Variants in ADAMTSL3 observed in about 807,000 individuals in gnomAD.
ADAMTSL3 encodes the protein ADAMTS like 3.
In ADAMTSL3, 128 loss-of-function variants were observed where a neutral mutation model predicts 201.7. The ratio of observed to expected loss-of-function variants is 0.63; its 90% CI spans 0.55 to 0.73. ADAMTSL3 has a LOEUF of 0.73. Among genes scored for constraint, ADAMTSL3 ranks in the 30% least tolerant of loss-of-function variants. ADAMTSL3 has a pLI of 0.00. For synonymous variants in ADAMTSL3, 738 were observed against 748.4 expected (o/e 0.99, Z 0.23); for missense variants, 1,990 against 2,119.6 (o/e 0.94, Z 1.20).
chr15:83,830,366 G>A (rs563386084), intron 6 of ADAMTSL3, among the ~76,000 whole-genome samples: 24 of 152,282 alleles, frequency 1.6e-4, no homozygotes, highest in African/African-American at 5.5e-4. Context: ...GAAGGAACTA[G>A]CACAGGGAGA....
intron 3 of ADAMTSL3, among the ~76,000 whole-genome samples, chr15:83,713,024 A>G (rs992027337): frequency 6.6e-6 from 1 of 152,128 alleles, no homozygotes; most frequent in Non-Finnish European, 1.5e-5. Flanking sequence ...TACTTCTCCC[A>G]GGTGATCAGC....
intron 3 of ADAMTSL3, among the ~76,000 whole-genome samples, chr15:83,713,317 A>T (rs2061957265): frequency 6.6e-6 from 1 of 152,146 alleles, no homozygotes; most frequent in Non-Finnish European, 1.5e-5. Context: ...CCTTCTACTA[A>T]ACATCTCTGC....
chr15:83,843,180 G>A (rs184516405), intron 7 of ADAMTSL3, among the ~76,000 whole-genome samples: 1 of 152,100 alleles, frequency 6.6e-6, no homozygotes, highest in Admixed American at 6.5e-5. Context: ...TGATTTTTTT[G>A]TGGGGTTCTC....
At chr15:84,031,262 A>G in intron 27 of ADAMTSL3, 73 bp from the exon 28 acceptor site, 1 of 1,430,382 alleles carries the variant, frequency 7.0e-7, no homozygotes, top group Non-Finnish European at 9.8e-7. Flanking sequence ...ATCCTGCCTC[A>G]GTACATGATC....
intron 3 of ADAMTSL3, among the ~76,000 whole-genome samples, chr15:83,769,720 A>T (rs961719320): frequency 1.3e-5 from 2 of 152,050 alleles, no homozygotes; most frequent in African/African-American, 4.8e-5. Flanking sequence ...CTTTGCTTCC[A>T]GTCATTATTT....
chr15:83,678,792 T>TGTATA (rs2061439661), intron 2 of ADAMTSL3, among the ~76,000 whole-genome samples: 1 of 46,180 alleles, frequency 2.2e-5, no homozygotes, highest in African/African-American at 9.9e-5. Context: ...TATATATGTA[T>TGTATA]ATATAATATA....
intron 4 of ADAMTSL3, among the ~76,000 whole-genome samples, chr15:83,790,061 C>T (rs1303541738): frequency 1.3e-5 from 2 of 151,650 alleles, no homozygotes; most frequent in Non-Finnish European, 1.5e-5. Flanking sequence ...TAAATAACAC[C>T]ATAATTATTA....
At position 84,016,399 on chromosome 15, in the gene ADAMTSL3, G is replaced by A. The variant is rs769455663; in HGVS notation, c.4173G>A (p.Glu1391=). ...TTTCCTCAGAACGAAGATGGCCAGAGAGTAGAATCGTATTTCTGCAAGGAC... is the reference window on the plus strand; with the variant it reads ...TTTCCTCAGAACGAAGATGGCCAGAAAGTAGAATCGTATTTCTGCAAGGAC... ...VLHLLERRWP[E]SRIVFLQGHK... is the part of the protein sequence containing the mutation. The change falls in exon 25 of 30, where the codon GAG becomes GAA. Residue 1391 remains glutamate, a synonymous_variant. Transcript: ENST00000286744. The A allele has an allele frequency of 2.5e-6, 4 of 1,613,634 alleles. No individual in the cohort carries two copies. The South Asian group carries it at 3.3e-5, about 13-fold the overall frequency.
intron 15 of ADAMTSL3, among the ~76,000 whole-genome samples, chr15:83,910,916 C>T (rs939882271): frequency 2.6e-5 from 4 of 151,808 alleles, no homozygotes; most frequent in African/African-American, 7.3e-5. Context: ...CTGGGATTAC[C>T]GGCGTGAGCC....
At chr15:84,037,051 T>C in intron 29 of ADAMTSL3, 64 bp downstream of exon 29, 2 of 1,492,818 alleles carry the variant, frequency 1.3e-6, no homozygotes, top group Non-Finnish European at 1.9e-6. Context: ...ATCCTGATGC[T>C]ACCATCACGG....
In ADAMTSL3 at chr15:84,025,335, G is replaced by C; in HGVS notation, c.4555G>C (p.Val1519Leu). Residue 1519 changes from valine to leucine, a missense_variant, in exon 27 of 30, where the codon GTG becomes CTG. Val to Leu is a conservative substitution (Grantham distance 32, BLOSUM62 1). Coordinates refer to ENST00000286744, the MANE Select transcript of ADAMTSL3 (RefSeq NM_207517.3). ...TCKRTKANGT[V>L]QVVSPRACAP... ...CAAGCGGACAAAAGCCAATGGAACT[G>C]TGCAGGTGGTGTCTCCAAGAGCATG... 1 of 1,614,204 alleles carries C rather than the reference G, an allele frequency of 6.2e-7. No homozygotes were observed. The highest frequency in any genetic ancestry group is 8.5e-7 in the Non-Finnish European group (1 of 1,180,042).
intron 2 of ADAMTSL3, among the ~76,000 whole-genome samples, chr15:83,661,166 G>A (rs940149347): frequency 6.6e-6 from 1 of 152,008 alleles, no homozygotes; most frequent in African/African-American, 2.4e-5. Context: ...CCAGTACCAT[G>A]CTGTTTTGGT....
intron 2 of ADAMTSL3, among the ~76,000 whole-genome samples, chr15:83,680,898 T>C (rs1027437284): frequency 1.3e-5 from 2 of 152,178 alleles, no homozygotes; most frequent in Non-Finnish European, 2.9e-5. Context: ...TCCTTAAGAG[T>C]TCAAAGCAAA....
At chr15:83,812,259 T>G (rs2063711195) in intron 5 of ADAMTSL3, among the ~76,000 whole-genome samples, 1 of 152,166 alleles carries the variant, frequency 6.6e-6, no homozygotes. Flanking sequence ...GAGGACCAAG[T>G]TCTGATGAGC....
intron 6 of ADAMTSL3, among the ~76,000 whole-genome samples, chr15:83,827,281 T>C (rs1596282085): frequency 6.6e-6 from 1 of 152,268 alleles, no homozygotes; most frequent in Non-Finnish European, 1.5e-5. Context: ...CATTTTTTCA[T>C]GTGTCTGTTG....
chr15:83,852,475 T>A (rs2064637907), intron 7 of ADAMTSL3, among the ~76,000 whole-genome samples: 1 of 152,220 alleles, frequency 6.6e-6, no homozygotes, highest in Non-Finnish European at 1.5e-5. Flanking sequence ...CAGACTCATA[T>A]CAATGAGCAT....
At chr15:83,822,090 C>T (rs1238066397) in intron 6 of ADAMTSL3, among the ~76,000 whole-genome samples, 1 of 147,514 alleles carries the variant, frequency 6.8e-6, no homozygotes, top group African/African-American at 2.5e-5. Context: ...AGAGGCACCC[C>T]TCACCTCCCG....
intron 19 of ADAMTSL3, among the ~76,000 whole-genome samples, chr15:83,946,821 C>T (rs1311390060): frequency 6.6e-6 from 1 of 152,158 alleles, no homozygotes; most frequent in Non-Finnish European, 1.5e-5. Flanking sequence ...TTCATCAGGG[C>T]AAAGAGCAAG....
rs755600253 is a variant in ADAMTSL3, at chr15:83,923,943, C to T, written c.2027C>T (p.Thr676Ile). Residue 676 changes from threonine (T) to isoleucine (I), a missense_variant, in exon 17 of 30, where the codon ACC becomes ATC. Physicochemically the swap from Thr to Ile is moderately conservative, Grantham distance 89. Transcript: ENST00000286744. The stretch of plus-strand genomic sequence containing the variant: ...ATAGCAGTGTGCTTACATATCCAGA[C>T]CCAGCAGACAGTCAATGACAGCTTG... ...EAIAVCLHIQ[T>I]QQTVNDSLCD... is the part of the protein sequence containing the mutation. 5.0e-6 allele frequency: 8 copies of T among 1,614,170 alleles called. No homozygotes were observed. The highest frequency in any genetic ancestry group is 4.4e-5 in the South Asian group (4 of 91,086).
Sources: gnomAD v4.1 joint callset for allele counts (sites outside exome capture counted in the v4.1 genomes callset) on GRCh38, gnomAD v4.1.1 for gene constraint, MANE v1.5 for transcripts, NCBI Gene and HGNC (gene_info 2026-07-23, HGNC 2026-07-21) for gene names.